The following ZC2HC1B variants were observed in gnomAD, a reference collection of about 807,000 sequenced individuals.
ZC2HC1B encodes zinc finger C2HC-type containing 1B, also known as zinc finger C2HC domain-containing protein 1B.
ZC2HC1B carries 36 observed loss-of-function variants against 31.0 expected under a neutral mutation model. That is an observed-to-expected ratio of 1.16 (90% CI 0.89 to 1.54). ZC2HC1B has a LOEUF of 1.54. ZC2HC1B is among the 40% of genes most tolerant of loss of function. ZC2HC1B has a pLI of 0.00. For missense variants in ZC2HC1B, 260 were observed against 268.6 expected (o/e 0.97, Z 0.22); for synonymous variants, 73 against 88.0 (o/e 0.83, Z 0.95).
intron 5 of ZC2HC1B, among the ~76,000 whole-genome samples, chr6:143,902,822 G>A (rs1388638639): frequency 6.6e-6 from 1 of 152,154 alleles, no homozygotes; most frequent in Non-Finnish European, 1.5e-5. Context: ...TGGAAGGGAA[G>A]CTTCAAAACC....
chr6:143,876,100 G>A (rs990452408), intron 1 of ZC2HC1B, among the ~76,000 whole-genome samples: 8 of 150,704 alleles, frequency 5.3e-5, no homozygotes, highest in African/African-American at 2.0e-4. Flanking sequence ...CCACTTGCAT[G>A]ATAAGAGCTT....
intron 6 of ZC2HC1B, among the ~76,000 whole-genome samples, chr6:143,928,524 T>C (rs1778078422): frequency 6.6e-6 from 1 of 152,178 alleles, no homozygotes; most frequent in Admixed American, 6.6e-5. Context: ...ACTTATAGTA[T>C]AATGTGGAGT....
rs530955860 is a variant in ZC2HC1B at position 143,890,888 on chromosome 6, G to A, written c.349+4067G>A. On this transcript the variant is annotated intron_variant, in intron 4 of 7. Coordinates refer to ENST00000237275, the MANE Select transcript of ZC2HC1B (RefSeq NM_001013623.3). ...CTCATACCTGTAATTCCAGCACTTT[G>A]GGAGGCCGAGGCAGGTGGATCACGA... is the stretch of plus-strand genomic sequence containing the variant. Among the ~76,000 whole-genome samples, 3 of 152,052 alleles carry A rather than the reference G, an allele frequency of 2.0e-5. No homozygotes were observed. The South Asian group carries it at 6.2e-4, about 32-fold the overall frequency.
chr6:143,889,495 G>T (rs1461296447), intron 4 of ZC2HC1B, among the ~76,000 whole-genome samples: 1 of 151,896 alleles, frequency 6.6e-6, no homozygotes, highest in African/African-American at 2.4e-5. Flanking sequence ...CACGGGAAAA[G>T]ATATACATGC....
In ZC2HC1B at chr6:143,871,967, A is replaced by G. The variant is rs573559423; in HGVS notation, c.28+7400A>G. Among the ~76,000 whole-genome samples, 30 of 152,180 alleles carry G rather than the reference A, an allele frequency of 2.0e-4. No homozygotes were observed. Among genetic ancestry groups the G allele is most frequent in the Non-Finnish European group, 4.4e-4 (30 of 68,038 alleles). ...TATTACCTGACCTCCATAAGCCCGT[A>G]CGTTAACTGGAGGACCATAATGACG... On this transcript the variant is annotated intron_variant, in intron 1 of 7. Coordinates refer to ENST00000237275, the MANE Select transcript of ZC2HC1B (RefSeq NM_001013623.3). This position sits in a 1 kb window ranked among gnomAD's most constrained non-coding sequence, Gnocchi z 4.1.
intron 6 of ZC2HC1B, among the ~76,000 whole-genome samples, chr6:143,904,620 G>A (rs1001508908): frequency 5.2e-4 from 79 of 152,132 alleles, no homozygotes; most frequent in African/African-American, 1.9e-3. Flanking sequence ...CAATTTGTCT[G>A]TTTTTCTTTG....
rs1457856591 is a variant in ZC2HC1B, at chr6:143,864,608, C to A, written c.28+41C>A. Reference sequence around the variant, plus strand: ...TATCTAAATTATTAGAAAATGCCTTCATCTGTAATCATTCATTTATGGCTT... The same window carrying A: ...TATCTAAATTATTAGAAAATGCCTTAATCTGTAATCATTCATTTATGGCTT... On this transcript the variant is annotated intron_variant, in intron 1 of 7. Transcript: ENST00000237275. 3 of 1,546,962 alleles carry A rather than the reference C, an allele frequency of 1.9e-6. No individual in the cohort carries two copies. The Admixed American group carries it at 5.9e-5, about 30-fold the overall frequency.
intron 4 of ZC2HC1B, among the ~76,000 whole-genome samples, chr6:143,891,790 A>G (rs1777605345): frequency 6.6e-6 from 1 of 152,240 alleles, no homozygotes; most frequent in Non-Finnish European, 1.5e-5. Context: ...TAGGCAATAT[A>G]GTTTTTAAAA....
rs530718891 is a variant in ZC2HC1B, at chr6:143,924,008, T to C, written c.599-13641T>C. ...AATGTCATTGGTGTTTTGATAGGGA[T>C]TACATTGAATCTGTAGATTGCTTTG... On this transcript the variant is annotated intron_variant, in intron 6 of 7. Coordinates refer to ENST00000237275, the MANE Select transcript of ZC2HC1B (RefSeq NM_001013623.3). This position sits in a 1 kb window ranked among gnomAD's most constrained non-coding sequence, Gnocchi z 5.2. 6.6e-6 allele frequency among the ~76,000 whole-genome samples: 1 copy of C among 152,092 alleles called. No individual in the cohort carries two copies. Among genetic ancestry groups the C allele is most frequent in the African/African-American group, 2.4e-5 (1 of 41,432 alleles).
chr6:143,935,431 G>T lies in ZC2HC1B; in HGVS notation c.599-2218G>T, dbSNP rs77754686. ...TCCCAGTCAGTGTCCATTGGTGCCAGCAGGGTGGGTGGCCCTGTCCTCAGG... is the reference window on the plus strand; with the variant it reads ...TCCCAGTCAGTGTCCATTGGTGCCATCAGGGTGGGTGGCCCTGTCCTCAGG... On this transcript the variant is annotated intron_variant, in intron 6 of 7. Transcript: ENST00000237275. Among the ~76,000 whole-genome samples, 312 of 152,182 alleles carry T rather than the reference G, an allele frequency of 2.1e-3. 6 individuals carry two copies. The East Asian group carries it at 0.037, about 18-fold the overall frequency.
At chr6:143,894,751 T>C (rs894111128) in intron 4 of ZC2HC1B, among the ~76,000 whole-genome samples, 2 of 152,208 alleles carry the variant, frequency 1.3e-5, no homozygotes, top group African/African-American at 4.8e-5. Flanking sequence ...GAGAAATATA[T>C]TCATTTTAAG....
At chr6:143,889,900 G>C (rs2128494275) in intron 4 of ZC2HC1B, among the ~76,000 whole-genome samples, 1 of 152,222 alleles carries the variant, frequency 6.6e-6, no homozygotes, top group East Asian at 1.9e-4. Flanking sequence ...ACCTAAGAGA[G>C]ACCATTACAG....
intron 4 of ZC2HC1B, among the ~76,000 whole-genome samples, chr6:143,893,763 T>C (rs1777629537): frequency 6.6e-6 from 1 of 151,992 alleles, no homozygotes; most frequent in South Asian, 2.1e-4. Context: ...CTCGGCTCAC[T>C]GCAAGCTCCG....
At chr6:143,937,504 C>CA in intron 6 of ZC2HC1B, 145 bp from the exon 7 acceptor site, 1 of 566,014 alleles carries the variant, frequency 1.8e-6, no homozygotes, top group Non-Finnish European at 3.0e-6. Context: ...CCCTCATTGC[C>CA]CTCCCCACCA....
chr6:143,935,290 A>G (rs1328871756), intron 6 of ZC2HC1B, among the ~76,000 whole-genome samples: 1 of 152,138 alleles, frequency 6.6e-6, no homozygotes, highest in East Asian at 1.9e-4. Flanking sequence ...CCCAGGCCCC[A>G]ACAATGCACA....
intron 6 of ZC2HC1B, among the ~76,000 whole-genome samples, chr6:143,912,823 C>A (rs1194032898): frequency 1.3e-5 from 2 of 152,166 alleles, no homozygotes; most frequent in African/African-American, 4.8e-5. Context: ...CTCTCCAAGG[C>A]CCACAGGCTG....
intron 6 of ZC2HC1B, among the ~76,000 whole-genome samples, chr6:143,919,217 CTGTGTGTG>C (rs71024878): frequency 0.028 from 3,478 of 123,652 alleles, 113 homozygotes; most frequent in African/African-American, 0.079. Context: ...TTGCTATTCT[CTGTGTGTG>C]TGTGTGTGTG....
chr6:143,930,601 T>A (rs1254091876), intron 6 of ZC2HC1B, among the ~76,000 whole-genome samples: 1 of 152,012 alleles, frequency 6.6e-6, no homozygotes, highest in African/African-American at 2.4e-5. Flanking sequence ...GTGGTCTCGA[T>A]CTCCTGACCT....
intron 5 of ZC2HC1B, among the ~76,000 whole-genome samples, chr6:143,901,250 CTTTT>C (rs760366226): frequency 1.9e-4 from 17 of 90,488 alleles, no homozygotes; most frequent in Admixed American, 4.5e-4. Context: ...TTCTTTCTTC[CTTTT>C]TTTTTTTTTT....
Sources: allele counts gnomAD v4.1 joint callset (sites outside exome capture counted in the v4.1 genomes callset), GRCh38; gene constraint gnomAD v4.1.1; non-coding constraint Gnocchi (gnomAD v3.1); transcripts MANE v1.5; gene names NCBI Gene and HGNC (gene_info 2026-07-23, HGNC 2026-07-21).